The following CNTN5 variants were observed in gnomAD, a reference collection of about 807,000 sequenced individuals.
The protein encoded by CNTN5 is contactin 5, also known as contactin-5.
Under a neutral mutation model 129.1 loss-of-function variants are expected in CNTN5, and 77 were observed. That is an observed-to-expected ratio of 0.60 (90% CI 0.50 to 0.72). The LOEUF (loss-of-function observed/expected upper bound fraction) is 0.72, where lower values mean the gene tolerates loss of function less well. Among genes scored for constraint, CNTN5 ranks in the 30% least tolerant of loss-of-function variants. CNTN5 has a pLI of 0.00. For missense variants in CNTN5, 1,478 were observed against 1,328.8 expected, an observed-to-expected ratio of 1.11 and a Z score of -1.75; for synonymous variants, 509 against 465.6, an observed-to-expected ratio of 1.09 and a Z score of -1.20.
chr11:99,088,239 G>C (rs551552250), intron 1 of CNTN5, among the ~76,000 whole-genome samples: 1 of 152,194 alleles, frequency 6.6e-6, no homozygotes, highest in East Asian at 1.9e-4. Context: ...TGCACCAAAG[G>C]TTGATGTGTT....
chr11:99,639,272 C>G (rs1443279233), intron 3 of CNTN5, among the ~76,000 whole-genome samples: 1 of 152,188 alleles, frequency 6.6e-6, no homozygotes, highest in Non-Finnish European at 1.5e-5. Context: ...CACAGAGACC[C>G]TGGGCCTGGC....
At chr11:99,778,516 T>C in intron 3 of CNTN5, among the ~76,000 whole-genome samples, 1 of 151,814 alleles carries the variant, frequency 6.6e-6, no homozygotes, top group East Asian at 2.0e-4. Context: ...GGGAATTGGT[T>C]CTTATTCCCC....
chr11:99,046,276 G>T (rs1864203323), intron 1 of CNTN5, among the ~76,000 whole-genome samples: 1 of 152,128 alleles, frequency 6.6e-6, no homozygotes, highest in Admixed American at 6.5e-5. Flanking sequence ...GGAGGTGGAG[G>T]TTGCGGTGAG....
chr11:99,400,929 A>C (rs560819954), intron 2 of CNTN5, among the ~76,000 whole-genome samples: 3 of 152,240 alleles, frequency 2.0e-5, no homozygotes, highest in African/African-American at 7.2e-5. Flanking sequence ...TTAGATTATT[A>C]GATTTTTTTC....
At chr11:100,290,969 A>G (rs1267956897) in intron 18 of CNTN5, among the ~76,000 whole-genome samples, 2 of 151,806 alleles carry the variant, frequency 1.3e-5, no homozygotes, top group African/African-American at 4.8e-5. Context: ...ACACTTCTCA[A>G]AAGAAGACAT....
chr11:99,918,974 C>T (rs138805261), intron 7 of CNTN5, among the ~76,000 whole-genome samples: 1,727 of 152,228 alleles, frequency 0.011, 19 homozygotes, highest in Non-Finnish European at 0.019. Context: ...TTCAAGTTAG[C>T]CAGCCAGGTT....
rs1358383775 is a variant in CNTN5, at chr11:99,632,570, A to G, written c.55+76301A>G. Reference sequence around the variant, plus strand: ...TGTACCCCAAATTGATTTTTACTCTAATACTGCAGGCTTGTGGCCTGAACT... The same window carrying G: ...TGTACCCCAAATTGATTTTTACTCTGATACTGCAGGCTTGTGGCCTGAACT... On this transcript the variant is annotated intron_variant, in intron 3 of 24. Transcript: ENST00000524871. Among the ~76,000 whole-genome samples, 4 of 152,228 alleles carry G rather than the reference A, an allele frequency of 2.6e-5. No homozygotes were observed. In the South Asian group the frequency reaches 8.3e-4, roughly 32 times the overall value.
chr11:100,005,774 T>G (rs1215612061), intron 9 of CNTN5, among the ~76,000 whole-genome samples: 3 of 152,144 alleles, frequency 2.0e-5, no homozygotes, highest in Non-Finnish European at 4.4e-5. Flanking sequence ...GTGAAAAATA[T>G]TTATATATCA....
At chr11:99,169,105 G>T (rs529603602) in intron 1 of CNTN5, among the ~76,000 whole-genome samples, 13 of 152,226 alleles carry the variant, frequency 8.5e-5, no homozygotes, top group Admixed American at 2.0e-4. Context: ...ATAAAGACTG[G>T]GAGTAGCATC....
At chr11:99,387,275 G>T (rs1363012558) in intron 2 of CNTN5, among the ~76,000 whole-genome samples, 1 of 151,924 alleles carries the variant, frequency 6.6e-6, no homozygotes, top group Admixed American at 6.6e-5. Context: ...CCCCAGTTAA[G>T]ACCAATATGT....
intron 3 of CNTN5, among the ~76,000 whole-genome samples, chr11:99,566,349 G>T (rs1483949935): frequency 6.6e-6 from 1 of 152,138 alleles, no homozygotes; most frequent in Non-Finnish European, 1.5e-5. Flanking sequence ...GGTGCCAGCA[G>T]AACTGTGAGC....
At chr11:99,937,196 G>A (rs1486266330) in intron 7 of CNTN5, among the ~76,000 whole-genome samples, 1 of 152,194 alleles carries the variant, frequency 6.6e-6, no homozygotes, top group African/African-American at 2.4e-5. Context: ...ATAAAATATA[G>A]TAAGCGGTGT....
intron 3 of CNTN5, among the ~76,000 whole-genome samples, chr11:99,643,562 A>G (rs78979981): frequency 0.011 from 1,630 of 152,292 alleles, 37 homozygotes; most frequent in African/African-American, 0.036. Context: ...TATTTAGAAC[A>G]ATAAATTGCA....
chr11:100,069,436 T>A (rs905759787), intron 10 of CNTN5, among the ~76,000 whole-genome samples: 1 of 152,156 alleles, frequency 6.6e-6, no homozygotes. Context: ...ATGACAAGCA[T>A]GAGCACCGTC....
At position 100,297,620 on chromosome 11, in the gene CNTN5, C is replaced by T; in HGVS notation, c.2315-5C>T. ...TCCTCACTCTCCACCCATTTTTATC[C>T]ACAGTTCCGAAGACAGCACCCACCA... On this transcript the variant is annotated splice_region_variant and splice_polypyrimidine_tract_variant and intron_variant, in intron 18 of 24. Transcript: ENST00000524871. 6.2e-6 allele frequency: 10 copies of T among 1,604,048 alleles called. No individual in the cohort carries two copies. The highest frequency in any genetic ancestry group is 8.5e-6 in the Non-Finnish European group (10 of 1,173,914).
intron 1 of CNTN5, among the ~76,000 whole-genome samples, chr11:99,275,506 C>T (rs982275090): frequency 1.3e-5 from 2 of 151,600 alleles, no homozygotes; most frequent in Admixed American, 1.3e-4. Flanking sequence ...CTTGTTAGGT[C>T]TTTCTCCAAC....
chr11:99,160,081 T>C (rs1473742891), intron 1 of CNTN5, among the ~76,000 whole-genome samples: 1 of 152,212 alleles, frequency 6.6e-6, no homozygotes. Flanking sequence ...TTAAATATAA[T>C]ATTAAAACTG....
Position 100,337,384 on chromosome 11 carries a change from GA to G in CNTN5, c.2731-3078del, listed in dbSNP as rs1269144636. The G allele has an allele frequency of 3.8e-6, 3 of 788,210 alleles. No individual in the cohort carries two copies. The African/African-American group carries it at 5.1e-5, about 13-fold the overall frequency. 48.8% of individuals were successfully genotyped at this position (788,210 alleles called of 1,614,324 possible). On this transcript the variant is annotated intron_variant, in intron 21 of 24. Coordinates refer to ENST00000524871, the MANE Select transcript of CNTN5 (RefSeq NM_014361.4). ...CAAAGCGAACAGCCAGCCCTCAGCA[GA>G]GAGAGCACCTATCAGCAATCCAGGG...
chr11:99,477,009 C>T (rs1039669557), intron 2 of CNTN5, among the ~76,000 whole-genome samples: 3 of 151,468 alleles, frequency 2.0e-5, no homozygotes, highest in Non-Finnish European at 3.0e-5. Context: ...TCTCTCCAGT[C>T]AGACTTTCTT....
Sources: allele counts gnomAD v4.1 joint callset (sites outside exome capture counted in the v4.1 genomes callset), GRCh38; gene constraint gnomAD v4.1.1; transcripts MANE v1.5; gene names NCBI Gene and HGNC (gene_info 2026-07-23, HGNC 2026-07-21).